HPS4: variants seen among roughly 807,000 people sequenced by gnomAD.
HPS4 encodes the protein HPS4 biogenesis of lysosomal organelles complex 3 subunit 2.
In HPS4, 44 loss-of-function variants were observed where a neutral mutation model predicts 70.3. The observed-to-expected ratio is 0.63, with a 90% CI of 0.49 to 0.80. HPS4 has a LOEUF of 0.80. Ranked by LOEUF, HPS4 falls within the 30% of genes least tolerant of loss-of-function variation. The pLI is 0.00. For synonymous variants in HPS4, 377 were observed against 355.9 expected (o/e 1.06, Z -0.67); for missense variants, 873 against 884.4 (o/e 0.99, Z 0.16).
chr22:26,474,150 G>T (rs1373837740), intron 4 of HPS4, among the ~76,000 whole-genome samples: 2 of 152,182 alleles, frequency 1.3e-5, no homozygotes, highest in Non-Finnish European at 2.9e-5. Context: ...AATAAGGTTG[G>T]AGAACTTATA....
chr22:26,453,323 G>A lies in HPS4; in HGVS notation c.2037C>T (p.Ser679=), dbSNP rs370493873. ...CATCCTGAGGGTTTGGGAAGCCGGA[G>A]CTCCGTGCTGCAGGTGCCAGCTGCT... The part of the protein sequence containing the change: ...YFQQLAPAAR[S]SGFPNPQDGA... Residue 679 remains serine, a synonymous_variant, in exon 14 of 14, where the codon AGC becomes AGT. Transcript: ENST00000398145. The A allele has an allele frequency of 1.1e-5, 17 of 1,614,214 alleles. No homozygotes were observed. The East Asian group carries it at 2.2e-4, about 21-fold the overall frequency.
Position 26,470,865 on chromosome 22 carries a change from G to A in HPS4, c.502-52C>T, listed in dbSNP as rs762226149. The A allele has an allele frequency of 8.1e-6, 13 of 1,609,888 alleles. No homozygotes were observed. The East Asian group carries it at 2.2e-4, about 28-fold the overall frequency. ...CACCCATCAGCATGCTCACAATCAGGAAGGGAGAAAAGGGGAAAGGGTTGT... is the reference window on the plus strand; with the variant it reads ...CACCCATCAGCATGCTCACAATCAGAAAGGGAGAAAAGGGGAAAGGGTTGT... On this transcript the variant is annotated intron_variant, in intron 6 of 13. Transcript: ENST00000398145.
In HPS4 at chr22:26,472,239, T is replaced by TA. The variant is rs1049934488; in HGVS notation, c.501+62dup. 389 of 1,034,626 alleles carry TA rather than the reference T, an allele frequency of 3.8e-4. 1 individual carries two copies. Among genetic ancestry groups the TA allele is most frequent in the Non-Finnish European group, 4.2e-4 (272 of 651,524 alleles). The allele number at this position is 1,034,626 out of a possible 1,614,324, so 64.1% of individuals were successfully genotyped here. On this transcript the variant is annotated intron_variant, in intron 6 of 13. Transcript: ENST00000398145. ...CAGATATAGTTCACTTCAGGAATAT[T>TA]AAAAAAGTATCCAGAAGCCCTAGTC...
rs386395106 is a variant in HPS4, at chr22:26,457,210, C to CCTTTTTTTTTTTTTTTTTT, written c.1955+648_1955+649insAAAAAAAAAAAAAAAAAAG. On this transcript the variant is annotated intron_variant, in intron 13 of 13. Transcript: ENST00000398145. ...ATGACTGTATGATCAGCACGTATTACTTTTTTTTTTTTTTTTTTTTTTCTG... is the reference window on the plus strand; with the variant it reads ...ATGACTGTATGATCAGCACGTATTACCTTTTTTTTTTTTTTTTTTTTTTTTTTTTTTTTTTTTTTTTCTG... Among the ~76,000 whole-genome samples the CCTTTTTTTTTTTTTTTTTT allele has an allele frequency of 2.3e-4, 6 of 25,554 alleles. 2 individuals are homozygous for CCTTTTTTTTTTTTTTTTTT. Among genetic ancestry groups the CCTTTTTTTTTTTTTTTTTT allele is most frequent in the Non-Finnish European group, 5.3e-4 (4 of 7,608 alleles). 16.8% of individuals were successfully genotyped at this position (25,554 alleles called of 152,430 possible).
At chr22:26,479,219 G>A (rs983764696) in intron 3 of HPS4, 46 bp downstream of exon 3, 1 of 1,598,676 alleles carries the variant, frequency 6.3e-7, no homozygotes, top group Non-Finnish European at 8.6e-7. Context: ...TCACCACTTG[G>A]AGGCACTGGG....
At chr22:26,469,212 T>C (rs1295430885) in intron 7 of HPS4, among the ~76,000 whole-genome samples, 1 of 141,608 alleles carries the variant, frequency 7.1e-6, no homozygotes, top group Non-Finnish European at 1.5e-5. Flanking sequence ...TTTGGGAGGC[T>C]GAGGTGGGAG....
At chr22:26,479,741 C>A in intron 2 of HPS4, 4 of 963,648 alleles carry the variant, frequency 4.2e-6, no homozygotes, top group Non-Finnish European at 5.0e-6. Flanking sequence ...TAGATGCACT[C>A]CTCATAAGTG....
At chr22:26,449,684 G>C (rs1175424049), downstream of HPS4, among the ~76,000 whole-genome samples, 1 of 152,134 alleles carries the variant, frequency 6.6e-6, no homozygotes, top group Non-Finnish European at 1.5e-5. Flanking sequence ...ACCTCATGTG[G>C]GGCCCCAGCT....
chr22:26,453,175 T>C lies in HPS4; in HGVS notation c.*58A>G. ...TAAAATAGAGGGGCCTTTTCAATTA[T>C]AAAAGGCAGAGCTTCCTTTGCTGGT... On this transcript the variant is annotated 3_prime_UTR_variant, in exon 14 of 14. Transcript: ENST00000398145. The C allele has an allele frequency of 5.2e-6, 8 of 1,530,746 alleles. No homozygotes were observed. In the South Asian group the frequency reaches 9.0e-5, roughly 17 times the overall value. The allele number at this position is 1,530,746 out of a possible 1,614,324, so 94.8% of individuals were successfully genotyped here.
rs151330714 is a variant in HPS4, at chr22:26,466,433, T to A, written c.670-171A>T. The A allele has an allele frequency of 8.1e-3, 6,056 of 747,590 alleles. 47 individuals are homozygous for A. Among genetic ancestry groups the A allele is most frequent in the Admixed American group, 0.011 (561 of 49,374 alleles). 46.3% of individuals were successfully genotyped at this position (747,590 alleles called of 1,614,324 possible). ...TGGAACAGAAGCTCCCCCAAGCTGCTGGCTCCCACTATGGCTGGGATGAAG... is the reference window on the plus strand; with the variant it reads ...TGGAACAGAAGCTCCCCCAAGCTGCAGGCTCCCACTATGGCTGGGATGAAG... On this transcript the variant is annotated intron_variant, in intron 8 of 13. Coordinates refer to ENST00000398145, the MANE Select transcript of HPS4 (RefSeq NM_022081.6).
chr22:26,456,637 G>A (rs1174000261), intron 13 of HPS4, among the ~76,000 whole-genome samples: 1 of 152,126 alleles, frequency 6.6e-6, no homozygotes, highest in Admixed American at 6.5e-5. Flanking sequence ...CCAGCCTGGC[G>A]AGAGTGAGAC....
At chr22:26,463,537 A>T (rs1164868930) in intron 11 of HPS4, among the ~76,000 whole-genome samples, 1 of 152,218 alleles carries the variant, frequency 6.6e-6, no homozygotes, top group African/African-American at 2.4e-5. Context: ...GTGACTGAGG[A>T]GTTAGCCAAG....
chr22:26,481,104 G>GA (rs1248505952), intron 2 of HPS4, among the ~76,000 whole-genome samples: 1 of 151,986 alleles, frequency 6.6e-6, no homozygotes, highest in Non-Finnish European at 1.5e-5. Context: ...ACGTTCTCTT[G>GA]ATGAAAGCAT....
intron 2 of HPS4, 86 bp from the exon 3 acceptor site, chr22:26,479,441 G>C: frequency 6.4e-7 from 1 of 1,561,918 alleles, no homozygotes; most frequent in Non-Finnish European, 8.7e-7. Context: ...CCCAGCCCGA[G>C]GAGGGCTTAT....
Position 26,483,747 on chromosome 22 carries a change from G to A in HPS4, c.-552C>T, listed in dbSNP as rs2091575836. 1 of 493,820 alleles carries A rather than the reference G, an allele frequency of 2.0e-6. No individual in the cohort carries two copies. The highest frequency in any genetic ancestry group is 3.7e-5 in the East Asian group (1 of 26,954). 30.6% of individuals were successfully genotyped at this position (493,820 alleles called of 1,614,324 possible). A position where few individuals can be genotyped will look rare whatever the true frequency, so the allele number is the denominator to read the frequency against. ...AAATGTGGGCAGCAGCTGGGTACCT[G>A]CGACTTCTGCCCCGTACCTGCGCGC... On this transcript the variant is annotated 5_prime_UTR_variant, in exon 1 of 14. Transcript: ENST00000398145.
At chr22:26,480,320 T>G (rs955525939) in intron 2 of HPS4, among the ~76,000 whole-genome samples, 3 of 152,100 alleles carry the variant, frequency 2.0e-5, no homozygotes, top group Admixed American at 1.3e-4. Flanking sequence ...TACAGGAGTG[T>G]GCCATCATGC....
rs749296930 is a variant in HPS4, at chr22:26,470,808, C to T, written c.507G>A (p.Glu169=). 5 of 1,614,062 alleles carry T rather than the reference C, an allele frequency of 3.1e-6. No individual in the cohort carries two copies. Among genetic ancestry groups the T allele is most frequent in the Non-Finnish European group, 4.2e-6 (5 of 1,180,014 alleles). ...GGGCTGCCTTCAGCAACAACAGGGGCTCCACCTGTGCAGGGCAAGAGGCAT... is the reference window on the plus strand; with the variant it reads ...GGGCTGCCTTCAGCAACAACAGGGGTTCCACCTGTGCAGGGCAAGAGGCAT... The part of the protein sequence containing the change: ...SLWNLDQTKV[E]PLLLLKAARI... Residue 169 remains glutamate, a synonymous_variant, in exon 7 of 14, where the codon GAG becomes GAA. Transcript: ENST00000398145.
rs778221839 is a variant in HPS4 at position 26,476,965 on chromosome 22, T to C, written c.276+28A>G. 3 of 1,612,290 alleles carry C rather than the reference T, an allele frequency of 1.9e-6. No individual in the cohort carries two copies. In the East Asian group the frequency reaches 6.7e-5, roughly 36 times the overall value. On this transcript the variant is annotated intron_variant, in intron 4 of 13. Transcript: ENST00000398145. The stretch of plus-strand genomic sequence containing the variant: ...TTCCTAAACTTATCATTGCAACACT[T>C]CAGCACTGATTCTGCCATTCAACTT...
At chr22:26,471,461 C>T (rs1194636777) in intron 6 of HPS4, 1 of 450,896 alleles carries the variant, frequency 2.2e-6, no homozygotes. Flanking sequence ...CTCAGACTTC[C>T]ACCTGCCAGC....
Sources: allele counts gnomAD v4.1 joint callset (sites outside exome capture counted in the v4.1 genomes callset), GRCh38; gene constraint gnomAD v4.1.1; transcripts MANE v1.5; gene names NCBI Gene and HGNC (gene_info 2026-07-23, HGNC 2026-07-21).